Variants in SYNC observed in about 807,000 individuals in gnomAD.
The protein encoded by SYNC is syncoilin, intermediate filament protein.
In SYNC, 38 loss-of-function variants were observed where a neutral mutation model predicts 49.5. The observed-to-expected ratio is 0.77, with a 90% CI of 0.59 to 1.01. The LOEUF is 1.01. Among genes scored for constraint, SYNC ranks in the 50% least tolerant of loss-of-function variants. The probability of loss-of-function intolerance (pLI) is 0.00; values close to 1 mark genes in which losing one functional copy is unlikely to be tolerated. For synonymous variants in SYNC, 201 were observed against 230.8 expected (o/e 0.87, Z 1.17); for missense variants, 579 against 580.6 (o/e 1.00, Z 0.03).
At chr1:32,698,045 A>G (rs1650508608) in intron 1 of SYNC, among the ~76,000 whole-genome samples, 2 of 151,840 alleles carry the variant, frequency 1.3e-5, no homozygotes, top group African/African-American at 4.8e-5. Flanking sequence ...CAACATGGTG[A>G]AACCCCGTCT....
In SYNC at chr1:32,695,744, T is replaced by C. The variant is rs1362038993; in HGVS notation, c.354A>G (p.Ile118Met). 1.9e-6 allele frequency: 3 copies of C among 1,551,458 alleles called. No homozygotes were observed. The highest frequency in any genetic ancestry group is 1.4e-5 in the African/African-American group (1 of 72,988). The change falls in exon 2 of 5, where the codon ATA becomes ATG. Residue 118 changes from isoleucine (I) to methionine (M), a missense_variant. By Grantham distance (10) the Ile-to-Met change is conservative. Coordinates refer to ENST00000409190, the MANE Select transcript of SYNC (RefSeq NM_030786.3). ...GCTCCACGGGCCCCTCCACAAACTGTATCCGATCTGGCTCCGTGGTTTCCT... is the reference window on the plus strand; with the variant it reads ...GCTCCACGGGCCCCTCCACAAACTGCATCCGATCTGGCTCCGTGGTTTCCT... ...CVEETTEPDR[I>M]QFVEGPVEPG... is the part of the protein sequence containing the mutation.
intron 2 of SYNC, among the ~76,000 whole-genome samples, chr1:32,688,570 T>TA (rs1180125158): frequency 6.6e-6 from 1 of 152,204 alleles, no homozygotes; most frequent in Non-Finnish European, 1.5e-5. Flanking sequence ...TTTTACGAAA[T>TA]ACATTCATTT....
intron 1 of SYNC, among the ~76,000 whole-genome samples, chr1:32,699,728 C>CTTTTTTTTTTTT (rs58903413): frequency 7.9e-6 from 1 of 125,982 alleles, no homozygotes; most frequent in Non-Finnish European, 1.8e-5. Flanking sequence ...CCAAACATAC[C>CTTTTTTTTTTTT]TTTTTTTTTT....
intron 2 of SYNC, among the ~76,000 whole-genome samples, chr1:32,691,190 C>G (rs1192474731): frequency 6.7e-6 from 1 of 148,428 alleles, no homozygotes; most frequent in Non-Finnish European, 1.5e-5. Flanking sequence ...TGCACTCCAG[C>G]CTGGGTGACA....
In SYNC at chr1:32,680,741, T is replaced by A; in HGVS notation, c.*1109A>T. 5.5e-6 allele frequency: 3 copies of A among 543,454 alleles called. No homozygotes were observed. The East Asian group carries it at 9.4e-5, about 17-fold the overall frequency. 33.7% of individuals were successfully genotyped at this position (543,454 alleles called of 1,614,324 possible). Reference sequence around the variant, plus strand: ...GAAGAGTCCTTCAGATGACAGTTGTTGTCCATGGTCTTTGACTATCAAGAG... The same window carrying A: ...GAAGAGTCCTTCAGATGACAGTTGTAGTCCATGGTCTTTGACTATCAAGAG... On this transcript the variant is annotated 3_prime_UTR_variant, in exon 5 of 5. Transcript: ENST00000409190.
chr1:32,700,672 G>A (rs1338114072), intron 1 of SYNC, among the ~76,000 whole-genome samples: 3 of 152,110 alleles, frequency 2.0e-5, no homozygotes, highest in Non-Finnish European at 4.4e-5. Flanking sequence ...CCTCCAGCCT[G>A]AGCAACAAGA....
chr1:32,684,192 C>A (rs966154811), intron 3 of SYNC, 66 bp downstream of exon 3: 3 of 1,607,040 alleles, frequency 1.9e-6, no homozygotes, highest in South Asian at 2.2e-5. Context: ...GTAAAATTTT[C>A]CCTAAGCCCT....
chr1:32,696,062 G>A lies in SYNC; in HGVS notation c.54-18C>T, dbSNP rs896821658. On this transcript the variant is annotated intron_variant, in intron 1 of 4. Coordinates refer to ENST00000409190, the MANE Select transcript of SYNC (RefSeq NM_030786.3). ...TTGTTTTCCTGCAAAAGAAATGATTGAAAGTGAAAGGGCAGCCACAATCCC... is the reference window on the plus strand; with the variant it reads ...TTGTTTTCCTGCAAAAGAAATGATTAAAAGTGAAAGGGCAGCCACAATCCC... 5.9e-6 allele frequency: 9 copies of A among 1,527,404 alleles called. No homozygotes were observed. Among genetic ancestry groups the A allele is most frequent in the African/African-American group, 1.4e-5 (1 of 72,636 alleles). 94.6% of individuals were successfully genotyped at this position (1,527,404 alleles called of 1,614,324 possible).
At chr1:32,700,563 G>T (rs1474752423) in intron 1 of SYNC, among the ~76,000 whole-genome samples, 1 of 152,142 alleles carries the variant, frequency 6.6e-6, no homozygotes, top group East Asian at 1.9e-4. Flanking sequence ...TGGGTATGGT[G>T]GTGTGTGCCT....
chr1:32,689,007 C>T lies in SYNC; in HGVS notation c.1234-4625G>A, dbSNP rs12758360. ...AGGCTGGAGTGCAGTGGCGCAGTCT[C>T]GGCTCACTGCAACCTCTGCCTCCCG... On this transcript the variant is annotated intron_variant, in intron 2 of 4. Transcript: ENST00000409190. Among the ~76,000 whole-genome samples the T allele has an allele frequency of 8.2e-3, 1,238 of 151,888 alleles. 6 individuals carry two copies. Among genetic ancestry groups the T allele is most frequent in the Non-Finnish European group, 0.013 (852 of 67,914 alleles).
At chr1:32,694,116 C>G (rs1650292908) in intron 2 of SYNC, among the ~76,000 whole-genome samples, 1 of 152,162 alleles carries the variant, frequency 6.6e-6, no homozygotes, top group Non-Finnish European at 1.5e-5. Context: ...GTAGTCCCAG[C>G]TGCTTGGGGG....
chr1:32,689,235 C>CTTTTT lies in SYNC; in HGVS notation c.1234-4858_1234-4854dup. On this transcript the variant is annotated intron_variant, in intron 2 of 4. Transcript: ENST00000409190. ...ACAGGCGTGAGGCACCTCGCCTGGCCTTTTTTTTTTTTTTTTTTTTTTTTT... is the reference window on the plus strand; with the variant it reads ...ACAGGCGTGAGGCACCTCGCCTGGCCTTTTTTTTTTTTTTTTTTTTTTTTTTTTTT... Among the ~76,000 whole-genome samples, 140 of 41,528 alleles carry CTTTTT rather than the reference C, an allele frequency of 3.4e-3. 57 individuals carry two copies. The highest frequency in any genetic ancestry group is 5.9e-3 in the East Asian group (7 of 1,190). The allele number at this position is 41,528 out of a possible 152,430, so 27.2% of individuals were successfully genotyped here.
chr1:32,684,743 TTAAGA>T (rs765018784), intron 2 of SYNC: 1 of 173,458 alleles, frequency 5.8e-6, no homozygotes, highest in Admixed American at 5.8e-5. Context: ...TGCAGGTTTG[TTAAGA>T]TAATTGGTAG....
Position 32,682,018 on chromosome 1 carries a change from GAATGGT to G in SYNC, c.1439-164_1439-159del, listed in dbSNP as rs1422441304. Reference sequence around the variant, plus strand: ...ATGCCTCCTGTTTGTCAAATAGAATGAATGGTGATGGTGATGGGAGGGATAGTTAAA... The same window carrying G: ...ATGCCTCCTGTTTGTCAAATAGAATGGATGGTGATGGGAGGGATAGTTAAA... On this transcript the variant is annotated intron_variant, in intron 4 of 4. Transcript: ENST00000409190. 7 of 642,538 alleles carry G rather than the reference GAATGGT, an allele frequency of 1.1e-5. No homozygotes were observed. In the East Asian group the frequency reaches 1.9e-4, roughly 18 times the overall value. The allele number at this position is 642,538 out of a possible 1,614,324, so 39.8% of individuals were successfully genotyped here.
chr1:32,694,392 A>G (rs1650304642), intron 2 of SYNC, among the ~76,000 whole-genome samples: 1 of 151,912 alleles, frequency 6.6e-6, no homozygotes, highest in East Asian at 1.9e-4. Context: ...GGTGGCTCAC[A>G]CCTGTAATCC....
chr1:32,684,591 G>C (rs1467603256), intron 2 of SYNC: 2 of 653,814 alleles, frequency 3.1e-6, no homozygotes, highest in African/African-American at 3.7e-5. Flanking sequence ...TGACGAAAAA[G>C]GCATCTTGTC....
rs1650716864 is a variant in SYNC at position 32,702,698 on chromosome 1, A to C, written c.-38T>G. On this transcript the variant is annotated 5_prime_UTR_variant, in exon 1 of 5. Transcript: ENST00000409190. This position sits in a 1 kb window ranked among gnomAD's most constrained non-coding sequence, Gnocchi z 6.2. ...CCGGGCTGGCGGCCGCGTTATTAAT[A>C]GCCGGGCCCGCGGGCCCCTCGCTCC... 1 of 1,142,348 alleles carries C rather than the reference A, an allele frequency of 8.8e-7. No individual in the cohort carries two copies. Among genetic ancestry groups the C allele is most frequent in the Non-Finnish European group, 1.1e-6 (1 of 931,492 alleles). 70.8% of individuals were successfully genotyped at this position (1,142,348 alleles called of 1,614,324 possible).
chr1:32,683,983 C>G (rs771171693), intron 4 of SYNC, 27 bp downstream of exon 4: 2 of 1,606,032 alleles, frequency 1.2e-6, no homozygotes, highest in African/African-American at 2.7e-5. Context: ...ACAATGCAAA[C>G]ACCACTCTTC....
intron 1 of SYNC, among the ~76,000 whole-genome samples, chr1:32,701,209 C>T (rs1348333045): frequency 1.3e-5 from 2 of 152,158 alleles, no homozygotes; most frequent in African/African-American, 4.8e-5. Flanking sequence ...GCCACCGCGC[C>T]GGGCCCACAA....
Sources: allele counts gnomAD v4.1 joint callset (sites outside exome capture counted in the v4.1 genomes callset), GRCh38; gene constraint gnomAD v4.1.1; non-coding constraint Gnocchi (gnomAD v3.1); transcripts MANE v1.5; gene names NCBI Gene and HGNC (gene_info 2026-07-23, HGNC 2026-07-21).